RYR2: variants seen among roughly 807,000 people sequenced by gnomAD.
RYR2 encodes the protein ryanodine receptor 2.
Under a neutral mutation model 601.1 loss-of-function variants are expected in RYR2, and 227 were observed. The observed-to-expected ratio is 0.38, with a 90% CI of 0.34 to 0.42. RYR2 has a LOEUF of 0.42. Among genes scored for constraint, RYR2 ranks in the 10% least tolerant of loss-of-function variants. The pLI, the probability that RYR2 is intolerant of heterozygous loss-of-function variation, is 1.00. For synonymous variants in RYR2, 2,223 were observed against 2,175.1 expected (o/e 1.02, Z -0.61); for missense variants, 4,646 against 6,156.5 (o/e 0.75, Z 8.21).
chr1:237,457,953 G>A (rs74147276), intron 16 of RYR2, among the ~76,000 whole-genome samples: 7,347 of 152,022 alleles, frequency 0.048, 565 homozygotes, highest in African/African-American at 0.17. Context: ...GGTATATGAG[G>A]CCCCAGTTAA....
chr1:237,060,968 CTT>C (rs1258149448), intron 1 of RYR2, among the ~76,000 whole-genome samples: 1 of 152,194 alleles, frequency 6.6e-6, no homozygotes, highest in Non-Finnish European at 1.5e-5. Flanking sequence ...CTTCTAAACA[CTT>C]TTCCAAAGTA....
chr1:237,511,813 A>G (rs906091055), intron 24 of RYR2, 22 bp downstream of exon 24: 12 of 696,716 alleles, frequency 1.7e-5, no homozygotes, highest in African/African-American at 7.7e-5. Flanking sequence ...AACTTTTTCT[A>G]TTTTCCAACC....
intron 1 of RYR2, among the ~76,000 whole-genome samples, chr1:237,169,808 A>G (rs1427272621): frequency 6.6e-6 from 1 of 152,220 alleles, no homozygotes; most frequent in Non-Finnish European, 1.5e-5. Context: ...TTCATGTATT[A>G]TAGGCATGAT....
chr1:237,505,769 T>C (rs1215089535), intron 22 of RYR2, among the ~76,000 whole-genome samples: 1 of 152,230 alleles, frequency 6.6e-6, no homozygotes, highest in African/African-American at 2.4e-5. Flanking sequence ...GCCCACTCTA[T>C]GTGTTGCGAG....
intron 79 of RYR2, among the ~76,000 whole-genome samples, chr1:237,734,462 AT>A (rs1690962124): frequency 6.6e-6 from 1 of 152,154 alleles, no homozygotes; most frequent in East Asian, 1.9e-4. Context: ...TCGATATAAG[AT>A]TTTGGTGGGG....
chr1:237,390,428 C>G (rs1338535788), intron 10 of RYR2, among the ~76,000 whole-genome samples: 3 of 152,120 alleles, frequency 2.0e-5, no homozygotes, highest in Non-Finnish European at 4.4e-5. Flanking sequence ...AATATTATCT[C>G]CTGCTTTATG....
chr1:237,067,737 C>G (rs780170808), intron 1 of RYR2, among the ~76,000 whole-genome samples: 2 of 152,130 alleles, frequency 1.3e-5, no homozygotes, highest in Non-Finnish European at 2.9e-5. Context: ...ATTTTGTCTT[C>G]CAATGCGTGA....
At chr1:237,098,644 T>C (rs1667741327) in intron 1 of RYR2, among the ~76,000 whole-genome samples, 1 of 152,124 alleles carries the variant, frequency 6.6e-6, no homozygotes, top group African/African-American at 2.4e-5. Flanking sequence ...GTAAACATGG[T>C]GGACATGATG....
intron 41 of RYR2, among the ~76,000 whole-genome samples, chr1:237,628,385 A>C (rs1160211123): frequency 3.1e-5 from 4 of 127,810 alleles, no homozygotes; most frequent in African/African-American, 3.5e-5. Flanking sequence ...CCCACCCCAC[A>C]ACAGTCCCCA....
Position 237,456,615 on chromosome 1 carries a change from G to A in RYR2, c.1492G>A (p.Val498Met), listed in dbSNP as rs760100468. The change falls in exon 16 of 105, where the codon GTG becomes ATG. Residue 498 changes from valine (V) to methionine (M), a missense_variant. By Grantham distance (21) the Val-to-Met change is conservative. Around this residue, in one of 17 missense-constraint regions of RYR2, gnomAD observed 1,807 missense variants for 2,088.1 expected, o/e 0.87. Coordinates refer to ENST00000366574, the MANE Select transcript of RYR2 (RefSeq NM_001035.3). ...LFQEEGMINL[V>M]LECIDRLHVY... ...AACGTTCCAGGGAATGATCAACCTC[G>A]TGCTTGAGTGCATAGACCGTTTGCA... 12 of 1,545,578 alleles carry A rather than the reference G, an allele frequency of 7.8e-6. No individual in the cohort carries two copies. Among genetic ancestry groups the A allele is most frequent in the East Asian group, 2.3e-5 (1 of 42,748 alleles).
chr1:237,510,433 A>G (rs1665769552), intron 23 of RYR2, among the ~76,000 whole-genome samples: 1 of 152,174 alleles, frequency 6.6e-6, no homozygotes, highest in South Asian at 2.1e-4. Flanking sequence ...TGCTCATTTT[A>G]TGTTTCGTTT....
chr1:237,669,402 A>G (rs1015711638), intron 58 of RYR2, among the ~76,000 whole-genome samples: 1 of 152,026 alleles, frequency 6.6e-6, no homozygotes, highest in African/African-American at 2.4e-5. Context: ...TACACCTCCC[A>G]GACGGGGTGG....
At chr1:237,658,719 A>G (rs1458613166) in intron 54 of RYR2, among the ~76,000 whole-genome samples, 2 of 152,180 alleles carry the variant, frequency 1.3e-5, no homozygotes, top group East Asian at 1.9e-4. Flanking sequence ...ATGTAGTTCT[A>G]TATCAGATAA....
In RYR2 at chr1:237,631,905, T is replaced by C. The variant is rs567228580; in HGVS notation, c.6555+364T>C. Among the ~76,000 whole-genome samples, 11 of 152,004 alleles carry C rather than the reference T, an allele frequency of 7.2e-5. 1 individual carries two copies. In the South Asian group the frequency reaches 1.2e-3, roughly 17 times the overall value. ...GGCCTCCCCTCCCGAAGTGCTGGGA[T>C]TACAGGCGTGAGCCACCGCGCCCAG... On this transcript the variant is annotated intron_variant, in intron 42 of 104. Transcript: ENST00000366574.
chr1:237,221,367 T>A (rs1558449626), intron 1 of RYR2, among the ~76,000 whole-genome samples: 1 of 152,206 alleles, frequency 6.6e-6, no homozygotes, highest in Non-Finnish European at 1.5e-5. Context: ...CTTTAACTTA[T>A]GAAATGTGTA....
chr1:237,478,404 A>G (rs2150350938), intron 17 of RYR2, among the ~76,000 whole-genome samples: 1 of 152,342 alleles, frequency 6.6e-6, no homozygotes, highest in South Asian at 2.1e-4. Flanking sequence ...TCTTAGTGAC[A>G]CTACAAATGT....
chr1:237,336,437 C>A (rs1697240412), intron 3 of RYR2, among the ~76,000 whole-genome samples: 1 of 152,140 alleles, frequency 6.6e-6, no homozygotes, highest in Non-Finnish European at 1.5e-5. Context: ...TTTCCTCTTT[C>A]TAAATTATGT....
rs533362944 is a variant in RYR2, at chr1:237,807,198, ATT to A, written c.14298+917_14298+918del. ...CATGGGTCTAGCGACAAAAAAGTCT[ATT>A]TATCTGTCAGTTAATAAGATGTGTT... On this transcript the variant is annotated intron_variant, in intron 99 of 104. Coordinates refer to ENST00000366574, the MANE Select transcript of RYR2 (RefSeq NM_001035.3). 2.3e-4 allele frequency among the ~76,000 whole-genome samples: 35 copies of A among 152,262 alleles called. 1 individual carries two copies. In the South Asian group the frequency reaches 6.4e-3, roughly 28 times the overall value.
At chr1:237,329,847 T>C (rs1171656690) in intron 2 of RYR2, among the ~76,000 whole-genome samples, 2 of 151,846 alleles carry the variant, frequency 1.3e-5, no homozygotes, top group African/African-American at 2.4e-5. Context: ...TTGATTGAGA[T>C]AGCGGTTTAA....
Sources: gnomAD v4.1 joint callset for allele counts (sites outside exome capture counted in the v4.1 genomes callset) on GRCh38, gnomAD v4.1.1 for gene constraint, gnomAD v4.1.1 regional missense constraint, MANE v1.5 for transcripts, NCBI Gene and HGNC (gene_info 2026-07-23, HGNC 2026-07-21) for gene names.